CTU1: variants seen among roughly 807,000 people sequenced by gnomAD.
CTU1 encodes cytosolic thiouridylase subunit 1, also known as cytoplasmic tRNA 2-thiolation protein 1.
In CTU1, 15 loss-of-function variants were observed where a neutral mutation model predicts 12.9. That is an observed-to-expected ratio of 1.16 (90% CI 0.78 to 1.79). The LOEUF is 1.79. Among genes scored for constraint, CTU1 ranks in the 40% most tolerant of loss-of-function variants. The probability of loss-of-function intolerance (pLI) is 0.00; values close to 1 mark genes in which losing one functional copy is unlikely to be tolerated. For synonymous variants in CTU1, 295 were observed against 275.6 expected, an observed-to-expected ratio of 1.07 and a Z score of -0.70; for missense variants, 553 against 550.5, an observed-to-expected ratio of 1.00 and a Z score of -0.05.
chr19:51,102,308 C>T (rs1269737462), intron 2 of CTU1, among the ~76,000 whole-genome samples: 2 of 152,202 alleles, frequency 1.3e-5, no homozygotes, highest in Admixed American at 6.5e-5. Flanking sequence ...CGGCCGAAGC[C>T]TTTCATTCTT....
Position 51,098,807 on chromosome 19 carries a change from G to A in CTU1, c.841C>T (p.Pro281Ser). ...CGGGAGCAGGCGCCGGGGCGCGGGG[G>A]CCGCGCGGCCGGGGCCAGCGCCAGG... ...ERLALAPAAR[P>S]PRPGACSRCG... Residue 281 changes from proline to serine, a missense_variant, in exon 3 of 3, where the codon CCC becomes TCC. By Grantham distance (74) the Pro-to-Ser change is moderately conservative (BLOSUM62 -1). Coordinates refer to ENST00000421832, the MANE Select transcript of CTU1 (RefSeq NM_145232.4). This position sits in a 1 kb window ranked among gnomAD's most constrained non-coding sequence, Gnocchi z 4.3. The A allele has an allele frequency of 9.5e-7, 1 of 1,048,258 alleles. No individual in the cohort carries two copies. The highest frequency in any genetic ancestry group is 1.1e-6 in the Non-Finnish European group (1 of 871,076). The allele number at this position is 1,048,258 out of a possible 1,614,324, so 64.9% of individuals were successfully genotyped here. A position where few individuals can be genotyped will look rare whatever the true frequency, so the allele number is the denominator to read the frequency against.
In CTU1 at chr19:51,099,411, T is replaced by A. The variant is rs192307392; in HGVS notation, c.509-272A>T. 7.9e-5 allele frequency among the ~76,000 whole-genome samples: 12 copies of A among 151,560 alleles called. No homozygotes were observed. In the East Asian group the frequency reaches 2.4e-3, roughly 30 times the overall value. On this transcript the variant is annotated intron_variant, in intron 2 of 2. Coordinates refer to ENST00000421832, the MANE Select transcript of CTU1 (RefSeq NM_145232.4). ...AGCCATGGAGACCCCTAGGGCACTG[T>A]GGGCAACCAGGACGCAGAGAGAGAC... is the stretch of plus-strand genomic sequence containing the variant.
rs751935670 is a variant in CTU1 at position 51,099,076 on chromosome 19, C to T, written c.572G>A (p.Arg191Gln). The change falls in exon 3 of 3, where the codon CGG (arginine) becomes CAG (glutamine). Residue 191 changes from arginine to glutamine, a missense_variant. By Grantham distance (43) the Arg-to-Gln change is conservative. Coordinates refer to ENST00000421832, the MANE Select transcript of CTU1 (RefSeq NM_145232.4). ...GCCCAGGCCCCCGCCCCGGGCCAGC[C>T]GCCCCGCGTCGCCCCGTAGGAAGTT... The part of the protein sequence containing the change: ...LMNFLRGDAG[R>Q]LARGGGLGSP... The T allele has an allele frequency of 3.3e-6, 5 of 1,526,524 alleles. No individual in the cohort carries two copies. The highest frequency in any genetic ancestry group is 1.2e-5 in the South Asian group (1 of 84,122). The allele number at this position is 1,526,524 out of a possible 1,614,324, so 94.6% of individuals were successfully genotyped here. A position where few individuals can be genotyped will look rare whatever the true frequency, so the allele number is the denominator to read the frequency against.
At chr19:51,104,616 G>A in intron 1 of CTU1, 26 bp from the exon 2 acceptor site, 2 of 1,228,100 alleles carry the variant, frequency 1.6e-6, no homozygotes. Context: ...GAGGAGGTGG[G>A]TTACATATGG....
chr19:51,101,441 C>CA lies in CTU1; in HGVS notation c.509-2303dup, dbSNP rs532930696. Among the ~76,000 whole-genome samples, 91 of 152,194 alleles carry CA rather than the reference C, an allele frequency of 6.0e-4. 1 individual carries two copies. The East Asian group carries it at 0.014, about 24-fold the overall frequency. ...AGAGACATTTGGCAATGGCTGGAGACATTTCTGTGTGTCAGGTTGGGGGTG... is the reference window on the plus strand; with the variant it reads ...AGAGACATTTGGCAATGGCTGGAGACAATTTCTGTGTGTCAGGTTGGGGGTG... On this transcript the variant is annotated intron_variant, in intron 2 of 2. Coordinates refer to ENST00000421832, the MANE Select transcript of CTU1 (RefSeq NM_145232.4).
chr19:51,098,565 C>A lies in CTU1; in HGVS notation c.*36G>T, dbSNP rs1438203695. 1.6e-6 allele frequency: 2 copies of A among 1,246,096 alleles called. No individual in the cohort carries two copies. The highest frequency in any genetic ancestry group is 2.9e-5 in the South Asian group (1 of 33,956). 77.2% of individuals were successfully genotyped at this position (1,246,096 alleles called of 1,614,324 possible). The stretch of plus-strand genomic sequence containing the variant: ...GTGTCATTTACAGGCAGCCCCCACC[C>A]CGCGGCATCAGATCCCGGCGGGAGG... On this transcript the variant is annotated 3_prime_UTR_variant, in exon 3 of 3. Transcript: ENST00000421832. This position sits in a 1 kb window ranked among gnomAD's most constrained non-coding sequence, Gnocchi z 4.3.
rs543949258 is a variant in CTU1 at position 51,106,397 on chromosome 19, CCTT to C, written c.-21-1810_-21-1808del. ...TTCTTCCCCCGACTTTTGACTCACT[CCTT>C]CTGTGCTCCTGGATTTCCTGCTCAA... is the stretch of plus-strand genomic sequence containing the variant. On this transcript the variant is annotated intron_variant, in intron 1 of 2. Coordinates refer to ENST00000421832, the MANE Select transcript of CTU1 (RefSeq NM_145232.4). 9.8e-5 allele frequency among the ~76,000 whole-genome samples: 15 copies of C among 152,320 alleles called. No individual in the cohort carries two copies. The South Asian group carries it at 1.2e-3, about 13-fold the overall frequency.
chr19:51,099,180 G>C, intron 2 of CTU1, 41 bp from the exon 3 acceptor site: 1 of 1,530,620 alleles, frequency 6.5e-7, no homozygotes, highest in Non-Finnish European at 8.8e-7. Context: ...GGGGCGCGGA[G>C]GGCGCTGCTG....
intron 2 of CTU1, among the ~76,000 whole-genome samples, chr19:51,100,590 C>G (rs1407507475): frequency 6.6e-6 from 1 of 152,002 alleles, no homozygotes; most frequent in Non-Finnish European, 1.5e-5. Flanking sequence ...CACAGCAAGA[C>G]TCTGTCTCAA....
chr19:51,099,621 G>T (rs2091902552), intron 2 of CTU1, among the ~76,000 whole-genome samples: 1 of 152,054 alleles, frequency 6.6e-6, no homozygotes, highest in Non-Finnish European at 1.5e-5. Flanking sequence ...TTTCATATAG[G>T]GAGTAAAAGT....
chr19:51,105,498 TCTC>T (rs1297467374), intron 1 of CTU1, among the ~76,000 whole-genome samples: 3 of 152,216 alleles, frequency 2.0e-5, no homozygotes, highest in Admixed American at 6.5e-5. Context: ...CAGGCTCAGT[TCTC>T]CTCCCCAAGC....
intron 2 of CTU1, among the ~76,000 whole-genome samples, chr19:51,102,570 G>A (rs919942374): frequency 1.3e-5 from 2 of 152,206 alleles, no homozygotes; most frequent in African/African-American, 2.4e-5. Context: ...CATCACCGCA[G>A]CTGGCTTCCC....
Position 51,098,947 on chromosome 19 carries a change from G to A in CTU1, c.701C>T (p.Ser234Phe). The A allele has an allele frequency of 4.5e-6, 7 of 1,543,776 alleles. No homozygotes were observed. The highest frequency in any genetic ancestry group is 6.1e-6 in the Non-Finnish European group (7 of 1,150,726). ...CTCGGGCGCGTAGACGCACTCCTCG[G>A]AGAAGTAGTCGAGGCGGCGGAAGTG... ...YAHFRRLDYF[S>F]EECVYAPEAF... The change falls in exon 3 of 3, where the codon TCC (serine) becomes TTC (phenylalanine). Residue 234 changes from serine to phenylalanine, a missense_variant. Transcript: ENST00000421832. The surrounding 1 kb of genome is among the most constrained non-coding windows in gnomAD (Gnocchi z 4.3).
In CTU1 at chr19:51,098,834, G is replaced by T; in HGVS notation, c.814C>A (p.Arg272Ser). 1 of 1,177,596 alleles carries T rather than the reference G, an allele frequency of 8.5e-7. No individual in the cohort carries two copies. The highest frequency in any genetic ancestry group is 1.1e-6 in the Non-Finnish European group (1 of 947,352). The allele number at this position is 1,177,596 out of a possible 1,614,324, so 72.9% of individuals were successfully genotyped here. Residue 272 changes from arginine (R) to serine (S), a missense_variant, in exon 3 of 3, where the codon CGC becomes AGC. By Grantham distance (110) the Arg-to-Ser change is moderately radical (BLOSUM62 -1). This residue lies in a region of CTU1 where 500 missense variants were observed against 458.5 expected (regional missense o/e 1.09). Coordinates refer to ENST00000421832, the MANE Select transcript of CTU1 (RefSeq NM_145232.4). This position sits in a 1 kb window ranked among gnomAD's most constrained non-coding sequence, Gnocchi z 4.3. Reference protein sequence around the residue: ...AVLDLVHSAERLALAPAARPP... With the variant: ...AVLDLVHSAESLALAPAARPP... ...CGCGCGGCCGGGGCCAGCGCCAGGC[G>T]CTCGGCCGAGTGCACGAGGTCCAGC...
Position 51,098,797 on chromosome 19 carries a change from G to T in CTU1, c.851C>A (p.Pro284His). 9.6e-7 allele frequency: 1 copy of T among 1,045,688 alleles called. No homozygotes were observed. Among genetic ancestry groups the T allele is most frequent in the South Asian group, 4.5e-5 (1 of 22,360 alleles). 64.8% of individuals were successfully genotyped at this position (1,045,688 alleles called of 1,614,324 possible). A position where few individuals can be genotyped will look rare whatever the true frequency, so the allele number is the denominator to read the frequency against. ...CGCCCCACAGCGGGAGCAGGCGCCGGGGCGCGGGGGCCGCGCGGCCGGGGC... is the reference window on the plus strand; with the variant it reads ...CGCCCCACAGCGGGAGCAGGCGCCGTGGCGCGGGGGCCGCGCGGCCGGGGC... ...ALAPAARPPR[P>H]GACSRCGALA... Residue 284 changes from proline (P) to histidine (H), a missense_variant, in exon 3 of 3, where the codon CCC (proline) becomes CAC (histidine). By Grantham distance (77) the Pro-to-His change is moderately conservative (BLOSUM62 -2). This residue lies in a region of CTU1 where 500 missense variants were observed against 458.5 expected (regional missense o/e 1.09). Coordinates refer to ENST00000421832, the MANE Select transcript of CTU1 (RefSeq NM_145232.4). This position sits in a 1 kb window ranked among gnomAD's most constrained non-coding sequence, Gnocchi z 4.3.
intron 2 of CTU1, 52 bp downstream of exon 2, chr19:51,104,010 A>C: frequency 2.1e-6 from 3 of 1,395,670 alleles, no homozygotes; most frequent in Non-Finnish European, 2.8e-6. Flanking sequence ...TCGCCTGTGC[A>C]TTCGCCCCAC....
In CTU1 at chr19:51,100,929, T is replaced by TTGTGTG. The variant is rs200966029; in HGVS notation, c.509-1791_509-1790insCACACA. ...GGTTTTTTTTTTTCATTTTGTTTTA[T>TTGTGTG]TGTGCGTGTGTGTGTGTGTGTGTGT... On this transcript the variant is annotated intron_variant, in intron 2 of 2. Coordinates refer to ENST00000421832, the MANE Select transcript of CTU1 (RefSeq NM_145232.4). 3.6e-4 allele frequency among the ~76,000 whole-genome samples: 43 copies of TTGTGTG among 120,902 alleles called. No homozygotes were observed. In the Middle Eastern group the frequency reaches 0.019, roughly 53 times the overall value. 79.3% of individuals were successfully genotyped at this position (120,902 alleles called of 152,430 possible). A position where few individuals can be genotyped will look rare whatever the true frequency, so the allele number is the denominator to read the frequency against.
At position 51,098,770 on chromosome 19, in the gene CTU1, A is replaced by G. The variant is rs2091898374; in HGVS notation, c.878T>C (p.Leu293Pro). The G allele has an allele frequency of 3.7e-6, 4 of 1,089,894 alleles. No individual in the cohort carries two copies. The highest frequency in any genetic ancestry group is 4.5e-6 in the Non-Finnish European group (4 of 897,250). The allele number at this position is 1,089,894 out of a possible 1,614,324, so 67.5% of individuals were successfully genotyped here. Residue 293 changes from leucine to proline, a missense_variant, in exon 3 of 3, where the codon CTG becomes CCG. Leu to Pro is a moderately conservative substitution (Grantham distance 98, BLOSUM62 -3). Transcript: ENST00000421832. This position sits in a 1 kb window ranked among gnomAD's most constrained non-coding sequence, Gnocchi z 4.3. ...RPGACSRCGA[L>P]ASRALCQACA... ...GGCCTGGCAGAGCGCGCGGCTGGCC[A>G]GCGCCCCACAGCGGGAGCAGGCGCC...
At chr19:51,102,162 C>T (rs2091908721) in intron 2 of CTU1, among the ~76,000 whole-genome samples, 1 of 152,196 alleles carries the variant, frequency 6.6e-6, no homozygotes, top group Non-Finnish European at 1.5e-5. Flanking sequence ...CACCACCACA[C>T]TCAGCTAATT....
Sources: gnomAD v4.1 joint callset for allele counts (sites outside exome capture counted in the v4.1 genomes callset) on GRCh38, gnomAD v4.1.1 for gene constraint, gnomAD v4.1.1 regional missense constraint, Gnocchi (gnomAD v3.1) non-coding constraint, MANE v1.5 for transcripts, NCBI Gene and HGNC (gene_info 2026-07-23, HGNC 2026-07-21) for gene names.